TRANK1: variants seen among roughly 807,000 people sequenced by gnomAD.
TRANK1 encodes the protein tetratricopeptide repeat and ankyrin repeat containing 1.
A neutral mutation model predicts 266.0 loss-of-function variants in TRANK1; 198 were observed. The observed-to-expected ratio is 0.74, with a 90% CI of 0.66 to 0.84. The LOEUF (loss-of-function observed/expected upper bound fraction) is 0.84, where lower values mean the gene tolerates loss of function less well. Ranked by LOEUF, TRANK1 falls within the 40% of genes least tolerant of loss-of-function variation. The pLI is 0.00. For missense variants in TRANK1, 3,326 were observed against 3,634.6 expected (o/e 0.92, Z 2.18); for synonymous variants, 1,396 against 1,384.1 (o/e 1.01, Z -0.19).
intron 3 of TRANK1, among the ~76,000 whole-genome samples, chr3:36,900,904 A>G (rs2079870422): frequency 7.0e-6 from 1 of 143,668 alleles, no homozygotes; most frequent in Non-Finnish European, 1.5e-5. Context: ...AACTGGGTTC[A>G]TAAAAAAGGA....
intron 2 of TRANK1, among the ~76,000 whole-genome samples, chr3:36,905,636 G>T (rs1047484483): frequency 2.0e-5 from 3 of 152,166 alleles, no homozygotes; most frequent in African/African-American, 7.2e-5. Flanking sequence ...CACTCCCTAG[G>T]ATGACTGCCG....
In TRANK1 at chr3:36,891,273, A is replaced by G. The variant is rs148629087; in HGVS notation, c.775+929T>C. Among the ~76,000 whole-genome samples, 743 of 152,284 alleles carry G rather than the reference A, an allele frequency of 4.9e-3. 5 individuals are homozygous for G. The highest frequency in any genetic ancestry group is 0.017 in the African/African-American group (704 of 41,550). The stretch of plus-strand genomic sequence containing the variant: ...GGGAATCGCCTGAACCCAGGAGGCA[A>G]AGGCTGCAGTGAGCCAATATCACGT... On this transcript the variant is annotated intron_variant, in intron 7 of 23. Transcript: ENST00000645898.
chr3:36,929,128 C>T lies in TRANK1; in HGVS notation c.23+15659G>A, dbSNP rs2080327207. 3.3e-5 allele frequency among the ~76,000 whole-genome samples: 5 copies of T among 150,088 alleles called. No homozygotes were observed. In the South Asian group the frequency reaches 1.1e-3, roughly 32 times the overall value. ...GAATCTTCTCTAACATTTTAAAATA[C>T]ATATTTATAAAACATTAATTTTTTT... On this transcript the variant is annotated intron_variant, in intron 1 of 23. Transcript: ENST00000645898.
chr3:36,865,855 G>A (rs1202039319), intron 9 of TRANK1, among the ~76,000 whole-genome samples: 1 of 151,976 alleles, frequency 6.6e-6, no homozygotes, highest in Non-Finnish European at 1.5e-5. Context: ...CTTGAGCCCA[G>A]GAGGTTGAGG....
At position 36,856,965 on chromosome 3, in the gene TRANK1, A is replaced by T. The variant is rs368910666; in HGVS notation, c.2757T>A (p.Ile919=). The T allele has an allele frequency of 4.3e-6, 7 of 1,613,638 alleles. No individual in the cohort carries two copies. Among genetic ancestry groups the T allele is most frequent in the Non-Finnish European group, 5.9e-6 (7 of 1,179,834 alleles). ...TTGCACACGTGTTCTGCTCCGTGGC[A>T]ATGATCTTCTCAGGGTTCTCACTGC... The part of the protein sequence containing the change: ...PRCSENPEKI[I]ATEQNTCAME... The change falls in exon 13 of 24, where the codon ATT becomes ATA. Residue 919 remains isoleucine, a synonymous_variant. Coordinates refer to ENST00000645898, the MANE Select transcript of TRANK1 (RefSeq NM_001329998.2).
intron 1 of TRANK1, among the ~76,000 whole-genome samples, chr3:36,919,244 C>G (rs541907998): frequency 6.6e-6 from 1 of 152,352 alleles, no homozygotes; most frequent in Admixed American, 6.5e-5. Flanking sequence ...CCATCTAACT[C>G]CCACCTGGGT....
rs556683295 is a variant in TRANK1, at chr3:36,933,430, C to G, written c.23+11357G>C. 2.6e-5 allele frequency among the ~76,000 whole-genome samples: 4 copies of G among 152,344 alleles called. No homozygotes were observed. The South Asian group carries it at 8.3e-4, about 32-fold the overall frequency. ...TTAGGATTTTGAATGTTATTCCCAA[C>G]AAAAGTGAGATGATTGGACTACAAT... On this transcript the variant is annotated intron_variant, in intron 1 of 23. Coordinates refer to ENST00000645898, the MANE Select transcript of TRANK1 (RefSeq NM_001329998.2).
rs374294971 is a variant in TRANK1 at position 36,831,894 on chromosome 3, C to A, written c.7689G>T (p.Leu2563=). Residue 2563 remains leucine, a synonymous_variant, in exon 22 of 24, where the codon CTG becomes CTT. Coordinates refer to ENST00000645898, the MANE Select transcript of TRANK1 (RefSeq NM_001329998.2). This position sits in a 1 kb window ranked among gnomAD's most constrained non-coding sequence, Gnocchi z 5.0. ...TCACTAGCATCACCAAGCACAGCAC[C>A]AGTGTCCGCTCAGCCTCACCCGAGA... ...YVVSGEAERT[L]VLCLVMLVNA... is the part of the protein sequence containing the mutation. The A allele has an allele frequency of 6.8e-6, 11 of 1,613,914 alleles. No individual in the cohort carries two copies. In the African/African-American group the frequency reaches 1.3e-4, roughly 20 times the overall value.
chr3:36,919,528 A>C (rs2080185766), intron 1 of TRANK1, among the ~76,000 whole-genome samples: 1 of 152,188 alleles, frequency 6.6e-6, no homozygotes. Context: ...CATTCTGTTG[A>C]TGGGCATTTG....
At chr3:36,858,984 A>G in intron 11 of TRANK1, 90 bp from the exon 12 acceptor site, 2 of 1,371,058 alleles carry the variant, frequency 1.5e-6, no homozygotes, top group Non-Finnish European at 1.9e-6. Context: ...TTCAGTTGCA[A>G]GGGAAGAGCT....
intron 8 of TRANK1, among the ~76,000 whole-genome samples, chr3:36,889,045 CA>C (rs1035637069): frequency 6.6e-6 from 1 of 151,840 alleles, no homozygotes; most frequent in African/African-American, 2.4e-5. Context: ...GACTCCATCT[CA>C]AAAAAAATCC....
intron 18 of TRANK1, among the ~76,000 whole-genome samples, chr3:36,839,259 A>G (rs1043679990): frequency 6.6e-6 from 1 of 152,202 alleles, no homozygotes; most frequent in African/African-American, 2.4e-5. Flanking sequence ...CTCTGACTAT[A>G]AGGTAGGCAA....
intron 17 of TRANK1, 68 bp from the exon 18 acceptor site, chr3:36,842,778 C>A (rs2078865021): frequency 7.2e-7 from 1 of 1,380,778 alleles, no homozygotes; most frequent in Non-Finnish European, 1.0e-6. Flanking sequence ...TTGTTATGGG[C>A]TGAGTTGCAT....
In TRANK1 at chr3:36,889,967, G is replaced by A; in HGVS notation, c.776-7C>T. 6.5e-7 allele frequency: 1 copy of A among 1,536,270 alleles called. No individual in the cohort carries two copies. The highest frequency in any genetic ancestry group is 8.7e-7 in the Non-Finnish European group (1 of 1,146,526). On this transcript the variant is annotated splice_polypyrimidine_tract_variant and splice_region_variant and intron_variant, in intron 7 of 23. Coordinates refer to ENST00000645898, the MANE Select transcript of TRANK1 (RefSeq NM_001329998.2). The stretch of plus-strand genomic sequence containing the variant: ...CGGAAAAGATGGTTTTCTCCTGAAG[G>A]GAATTAAAATGACTTACTAATGTTT...
Position 36,838,601 on chromosome 3 carries a change from C to T in TRANK1, c.5384+12G>A. ...CATCGGAGCAAACCAGAAGTGATCC[C>T]AAGACTCTTACTTGGGGCTGACTTT... is the stretch of plus-strand genomic sequence containing the variant. On this transcript the variant is annotated intron_variant, in intron 19 of 23. Transcript: ENST00000645898. 6.2e-7 allele frequency: 1 copy of T among 1,613,914 alleles called. No individual in the cohort carries two copies. The highest frequency in any genetic ancestry group is 1.1e-5 in the South Asian group (1 of 91,050).
At chr3:36,940,922 G>T (rs887267955) in intron 1 of TRANK1, among the ~76,000 whole-genome samples, 2 of 152,184 alleles carry the variant, frequency 1.3e-5, no homozygotes, top group South Asian at 4.1e-4. Context: ...TGGCCAATGA[G>T]TTCAGGCCAA....
intron 2 of TRANK1, 38 bp from the exon 3 acceptor site, chr3:36,903,313 A>T: frequency 6.5e-7 from 1 of 1,527,310 alleles, no homozygotes; most frequent in Non-Finnish European, 8.8e-7. Flanking sequence ...TGGTTCTGCA[A>T]ATACAGAAAA....
chr3:36,833,607 C>A lies in TRANK1; in HGVS notation c.5976G>T (p.Leu1992=). 6.2e-7 allele frequency: 1 copy of A among 1,613,902 alleles called. No homozygotes were observed. ...TADKDFQASC[L]LGAARLNVAR... is the part of the protein sequence containing the mutation. ...CCACATTGAGGCGGGCGGCCCCCAGCAGACATGAGGCCTGGAAGTCCTTGT... is the reference window on the plus strand; with the variant it reads ...CCACATTGAGGCGGGCGGCCCCCAGAAGACATGAGGCCTGGAAGTCCTTGT... Residue 1992 remains leucine, a synonymous_variant, in exon 22 of 24, where the codon CTG becomes CTT. Coordinates refer to ENST00000645898, the MANE Select transcript of TRANK1 (RefSeq NM_001329998.2).
intron 12 of TRANK1, among the ~76,000 whole-genome samples, 187 bp downstream of exon 12, chr3:36,858,531 C>T (rs981142579): frequency 3.3e-5 from 5 of 152,202 alleles, no homozygotes; most frequent in Non-Finnish European, 7.3e-5. Flanking sequence ...TGACCACTCA[C>T]CATGGTGGTC....
Sources: allele counts gnomAD v4.1 joint callset (sites outside exome capture counted in the v4.1 genomes callset), GRCh38; gene constraint gnomAD v4.1.1; non-coding constraint Gnocchi (gnomAD v3.1); transcripts MANE v1.5; gene names NCBI Gene and HGNC (gene_info 2026-07-23, HGNC 2026-07-21).